Variants in C12orf42 observed in about 807,000 individuals in gnomAD.
C12orf42 encodes chromosome 12 open reading frame 42.
Under a neutral mutation model 21.6 loss-of-function variants are expected in C12orf42, and 25 were observed. The observed-to-expected ratio is 1.16, with a 90% CI of 0.84 to 1.62. The LOEUF (loss-of-function observed/expected upper bound fraction) is 1.62. Among genes scored for constraint, C12orf42 ranks in the 40% most tolerant of loss-of-function variants. The pLI is 0.00. For missense variants in C12orf42, 483 were observed against 459.3 expected (o/e 1.05, Z -0.47); for synonymous variants, 174 against 175.0 (o/e 0.99, Z 0.05).
chr12:103,212,965 G>A, the C12orf42 span, among the ~76,000 whole-genome samples: 1 of 151,650 alleles, frequency 6.6e-6, no homozygotes, highest in Non-Finnish European at 1.5e-5. Context: ...GTGTATGTAT[G>A]CATATATATA....
At chr12:103,121,447 G>A in the C12orf42 span, among the ~76,000 whole-genome samples, 1 of 152,190 alleles carries the variant, frequency 6.6e-6, no homozygotes, top group Non-Finnish European at 1.5e-5. Context: ...TGTTTCAGTG[G>A]AGTTTCCATG....
the C12orf42 span, among the ~76,000 whole-genome samples, chr12:103,129,744 C>T: frequency 3.4e-4 from 52 of 152,308 alleles, no homozygotes; most frequent in Middle Eastern, 3.4e-3. Flanking sequence ...CACTGTCCTC[C>T]ATACTCCAGA....
At position 103,386,840 on chromosome 12, in the gene C12orf42, C is replaced by T. The variant is rs1020200440; in HGVS notation, c.147+14767G>A. On this transcript the variant is annotated intron_variant, in intron 3 of 5. Transcript: ENST00000548883. Reference sequence around the variant, plus strand: ...GGCATCCTCAGGACCAGACAGGCTGCCCATGCACCTGAACCCCAATCTCTT... The same window carrying T: ...GGCATCCTCAGGACCAGACAGGCTGTCCATGCACCTGAACCCCAATCTCTT... Among the ~76,000 whole-genome samples, 19 of 152,156 alleles carry T rather than the reference C, an allele frequency of 1.2e-4. 1 individual carries two copies. The highest frequency in any genetic ancestry group is 9.2e-4 in the Admixed American group (14 of 15,266).
chr12:103,481,023 A>T (rs1367679414), intron 1 of C12orf42, among the ~76,000 whole-genome samples: 1 of 151,650 alleles, frequency 6.6e-6, no homozygotes, highest in Non-Finnish European at 1.5e-5. Context: ...TTTTTTCTGT[A>T]GTTCAGTCAA....
Position 103,296,171 on chromosome 12 carries a change from T to C in C12orf42, n.338-18961A>G, listed in dbSNP as rs59258104. Reference sequence around the variant, plus strand: ...GAATGATGGTTTCCAGCTTCATCCATGTCCCTACAAAGGACATGAACTCTT... The same window carrying C: ...GAATGATGGTTTCCAGCTTCATCCACGTCCCTACAAAGGACATGAACTCTT... On this transcript the variant is annotated intron_variant and non_coding_transcript_variant, in intron 4 of 6. Transcript: ENST00000546526. 0.012 allele frequency among the ~76,000 whole-genome samples: 1,750 copies of C among 152,076 alleles called. 100 individuals are homozygous for C. In the East Asian group the frequency reaches 0.19, roughly 17 times the overall value.
the C12orf42 span, among the ~76,000 whole-genome samples, chr12:103,139,813 C>T: frequency 2.6e-5 from 4 of 152,044 alleles, no homozygotes; most frequent in Non-Finnish European, 4.4e-5. Context: ...TAAAATAAAA[C>T]GTAAACATGG....
At chr12:103,087,447 T>C in the C12orf42 span, among the ~76,000 whole-genome samples, 1 of 152,160 alleles carries the variant, frequency 6.6e-6, no homozygotes, top group Non-Finnish European at 1.5e-5. Flanking sequence ...CCGTTAAACC[T>C]GGGGGATGTC....
the C12orf42 span, chr12:103,168,239 A>G: frequency 5.4e-6 from 2 of 368,528 alleles, no homozygotes; most frequent in Middle Eastern, 3.8e-4. Flanking sequence ...AATGTACTCA[A>G]TTTATTCAGT....
the C12orf42 span, among the ~76,000 whole-genome samples, chr12:103,229,089 G>T: frequency 6.6e-6 from 1 of 152,100 alleles, no homozygotes; most frequent in African/African-American, 2.4e-5. Context: ...AACAACATAT[G>T]TTCTCATCAC....
At chr12:103,550,697 C>A in the C12orf42 span, 64 of 152,180 alleles carry the variant, frequency 4.2e-4, no homozygotes, top group African/African-American at 1.5e-3. Context: ...ATTATTATTT[C>A]TATTTCTTTG....
chr12:103,300,883 T>G (rs1433484218), downstream of C12orf42, among the ~76,000 whole-genome samples: 1 of 152,162 alleles, frequency 6.6e-6, no homozygotes, highest in Non-Finnish European at 1.5e-5. Flanking sequence ...TAAACCATGT[T>G]AATAAATGAA....
chr12:103,172,767 A>C, the C12orf42 span, among the ~76,000 whole-genome samples: 1 of 152,176 alleles, frequency 6.6e-6, no homozygotes, highest in South Asian at 2.1e-4. Flanking sequence ...CTGGAATTTT[A>C]TCCAAAAGAA....
the C12orf42 span, among the ~76,000 whole-genome samples, chr12:103,123,784 A>G: frequency 5.3e-5 from 8 of 151,866 alleles, no homozygotes; most frequent in Non-Finnish European, 8.8e-5. Flanking sequence ...ATATTAACAT[A>G]TATTATTAAA....
chr12:103,289,843 T>C (rs919954839), intron 4 of C12orf42, among the ~76,000 whole-genome samples: 1 of 152,226 alleles, frequency 6.6e-6, no homozygotes, highest in Admixed American at 6.5e-5. Context: ...GTGGTTGTCA[T>C]TGGGTTATTA....
In C12orf42 at chr12:103,436,626, A is replaced by C. The variant is rs1950739672; in HGVS notation, c.79-34951T>G. Reference sequence around the variant, plus strand: ...CCTAGTCTCTGATAAAACAGACTTTAAACCAACAAAGATCAAAAGAGACAA... The same window carrying C: ...CCTAGTCTCTGATAAAACAGACTTTCAACCAACAAAGATCAAAAGAGACAA... On this transcript the variant is annotated intron_variant, in intron 2 of 5. Coordinates refer to ENST00000548883, the MANE Select transcript of C12orf42 (RefSeq NM_198521.5). Among the ~76,000 whole-genome samples, 10 of 151,294 alleles carry C rather than the reference A, an allele frequency of 6.6e-5. No homozygotes were observed. The South Asian group carries it at 1.3e-3, about 19-fold the overall frequency.
the C12orf42 span, among the ~76,000 whole-genome samples, chr12:103,198,166 A>T: frequency 6.6e-6 from 1 of 152,288 alleles, no homozygotes; most frequent in African/African-American, 2.4e-5. Context: ...CTGCATACAC[A>T]TTCCAGTAAC....
chr12:103,512,830 C>T, the C12orf42 span, among the ~76,000 whole-genome samples: 19 of 151,898 alleles, frequency 1.3e-4, no homozygotes, highest in Middle Eastern at 0.01. Context: ...GGTGAAACCC[C>T]GTCTCTACTA....
intron 10 of C12orf42, among the ~76,000 whole-genome samples, chr12:103,242,455 A>G (rs1293654341): frequency 6.6e-6 from 1 of 152,210 alleles, no homozygotes; most frequent in Non-Finnish European, 1.5e-5. Context: ...GGTTTGAACG[A>G]AAAGTTTATT....
the C12orf42 span, among the ~76,000 whole-genome samples, chr12:103,209,232 G>A: frequency 6.6e-6 from 1 of 152,240 alleles, no homozygotes; most frequent in South Asian, 2.1e-4. Context: ...TAAATAATGT[G>A]TAATGAGGCA....
Sources: allele counts gnomAD v4.1 joint callset (sites outside exome capture counted in the v4.1 genomes callset), GRCh38; gene constraint gnomAD v4.1.1; transcripts MANE v1.5; gene names NCBI Gene and HGNC (gene_info 2026-07-23, HGNC 2026-07-21).